Variants in PIK3CA observed in about 807,000 individuals in gnomAD.
PIK3CA encodes phosphatidylinositol 4,5-bisphosphate 3-kinase catalytic subunit alpha isoform.
In PIK3CA, 27 loss-of-function variants were observed where a neutral mutation model predicts 138.2. The observed-to-expected ratio is 0.20, with a 90% CI of 0.14 to 0.27. The LOEUF is 0.27. Ranked by LOEUF, PIK3CA falls within the 10% of genes least tolerant of loss-of-function variation. The pLI is 1.00. For missense variants in PIK3CA, 544 were observed against 1,277.4 expected, an observed-to-expected ratio of 0.43 and a Z score of 8.75; for synonymous variants, 358 against 413.2, an observed-to-expected ratio of 0.87 and a Z score of 1.62.
intron 1 of PIK3CA, among the ~76,000 whole-genome samples, chr3:179,193,864 T>C (rs1281325267): frequency 2.6e-5 from 4 of 152,242 alleles, no homozygotes; most frequent in African/African-American, 9.6e-5. Flanking sequence ...TAAAGTGTTT[T>C]ATTTTTAGTA....
chr3:179,223,618 A>G (rs1725016381), intron 14 of PIK3CA, among the ~76,000 whole-genome samples: 1 of 152,160 alleles, frequency 6.6e-6, no homozygotes, highest in African/African-American at 2.4e-5. Context: ...TTTCCTCTAG[A>G]ACACAGATCA....
intron 1 of PIK3CA, among the ~76,000 whole-genome samples, chr3:179,175,255 G>C (rs999227672): frequency 2.0e-5 from 3 of 152,174 alleles, no homozygotes; most frequent in Admixed American, 2.0e-4. Context: ...CTACAATTAT[G>C]TGATATTTTA....
intron 1 of PIK3CA, chr3:179,149,719 A>G (rs989930072): frequency 6.6e-6 from 1 of 152,178 alleles, no homozygotes; most frequent in Non-Finnish European, 1.5e-5. Flanking sequence ...ATACTTGGGT[A>G]GGTAAATTCC....
intron 2 of PIK3CA, 115 bp from the exon 3 acceptor site, chr3:179,199,575 C>G (rs1445566231): frequency 1.4e-6 from 1 of 715,286 alleles, no homozygotes; most frequent in Non-Finnish European, 2.2e-6. Flanking sequence ...CCTAGCGGTA[C>G]TTTTTTTACT....
Position 179,219,840 on chromosome 3 carries a change from C to G in PIK3CA, c.1911+105C>G, listed in dbSNP as rs891581950. 6.7e-7 allele frequency: 1 copy of G among 1,500,074 alleles called. No homozygotes were observed. 92.9% of individuals were successfully genotyped at this position (1,500,074 alleles called of 1,614,324 possible). On this transcript the variant is annotated intron_variant, in intron 12 of 20. Transcript: ENST00000263967. The surrounding 1 kb of genome is among the most constrained non-coding windows in gnomAD (Gnocchi z 4.2). ...ACCTACTGCACTAACTAGTTTTATG[C>G]TTAAAAAAAAAAATTATTACCAGTA... is the stretch of plus-strand genomic sequence containing the variant.
chr3:179,223,066 C>T (rs2108415791), intron 14 of PIK3CA, among the ~76,000 whole-genome samples: 1 of 152,242 alleles, frequency 6.6e-6, no homozygotes, highest in Non-Finnish European at 1.5e-5. Flanking sequence ...AGAGCAGTTA[C>T]TTTGAGTGGC....
intron 6 of PIK3CA, among the ~76,000 whole-genome samples, chr3:179,208,361 C>G (rs1421353341): frequency 6.6e-6 from 1 of 152,148 alleles, no homozygotes; most frequent in African/African-American, 2.4e-5. Flanking sequence ...AAATTACTAT[C>G]TAACATATGA....
In PIK3CA at chr3:179,236,930, C is replaced by G; in HGVS notation, c.*2566C>G. ...TCAGTTCTCGTGGTTTAGACAGTTC[C>G]TATCTATAGCTGACTATCCTTGTCC... On this transcript the variant is annotated 3_prime_UTR_variant, in exon 21 of 21. Coordinates refer to ENST00000263967, the MANE Select transcript of PIK3CA (RefSeq NM_006218.4). 4.9e-6 allele frequency: 1 copy of G among 204,072 alleles called. No homozygotes were observed. Among genetic ancestry groups the G allele is most frequent in the Non-Finnish European group, 1.0e-5 (1 of 99,610 alleles). The allele number at this position is 204,072 out of a possible 1,614,324, so 12.6% of individuals were successfully genotyped here. A position where few individuals can be genotyped will look rare whatever the true frequency, so the allele number is the denominator to read the frequency against.
intron 1 of PIK3CA, among the ~76,000 whole-genome samples, chr3:179,176,879 G>A (rs890210816): frequency 6.6e-6 from 1 of 152,114 alleles, no homozygotes; most frequent in Non-Finnish European, 1.5e-5. Flanking sequence ...TTTAAAATTT[G>A]AATCATATTG....
At chr3:179,175,369 T>C (rs1056229086) in intron 1 of PIK3CA, among the ~76,000 whole-genome samples, 4 of 152,226 alleles carry the variant, frequency 2.6e-5, no homozygotes, top group African/African-American at 9.6e-5. Context: ...CTCTGTTTCC[T>C]GATTTTTTAT....
rs1344589807 is a variant in PIK3CA at position 179,237,568 on chromosome 3, T to C, written c.*3204T>C. 1 of 207,794 alleles carries C rather than the reference T, an allele frequency of 4.8e-6. No homozygotes were observed. Among genetic ancestry groups the C allele is most frequent in the Non-Finnish European group, 9.8e-6 (1 of 101,846 alleles). The allele number at this position is 207,794 out of a possible 1,614,324, so 12.9% of individuals were successfully genotyped here. A position where few individuals can be genotyped will look rare whatever the true frequency, so the allele number is the denominator to read the frequency against. On this transcript the variant is annotated 3_prime_UTR_variant, in exon 21 of 21. Transcript: ENST00000263967. ...AGACTGTATATGCCCTCTTGGATTT[T>C]ATTTTAAATGGATTGGTGACTTTCA...
At chr3:179,196,388 G>A (rs1724266008) in intron 1 of PIK3CA, among the ~76,000 whole-genome samples, 2 of 152,050 alleles carry the variant, frequency 1.3e-5, no homozygotes, top group Admixed American at 6.5e-5. Context: ...CAGATTTTTT[G>A]TAGGCTTAAA....
intron 1 of PIK3CA, among the ~76,000 whole-genome samples, chr3:179,150,195 GTGTGTGTT>G (rs1035165567): frequency 9.2e-5 from 14 of 151,894 alleles, no homozygotes; most frequent in Non-Finnish European, 1.6e-4. Flanking sequence ...GTGTGTGTGT[GTGTGTGTT>G]GGTATTTTGC....
intron 1 of PIK3CA, chr3:179,149,853 T>G (rs1325490000): frequency 6.6e-6 from 1 of 152,230 alleles, no homozygotes; most frequent in East Asian, 1.9e-4. Context: ...CCGTACAAAA[T>G]TTGTTTATGT....
intron 1 of PIK3CA, among the ~76,000 whole-genome samples, chr3:179,174,290 G>A (rs1455698472): frequency 5.9e-5 from 9 of 151,890 alleles, no homozygotes; most frequent in Admixed American, 2.6e-4. Context: ...CCAACACAGC[G>A]AAACCCTGTC....
At chr3:179,160,161 T>C (rs1723240115) in intron 1 of PIK3CA, among the ~76,000 whole-genome samples, 1 of 152,202 alleles carries the variant, frequency 6.6e-6, no homozygotes, top group South Asian at 2.1e-4. Context: ...GCTACAATGT[T>C]ATGACAGCTA....
At chr3:179,233,727 G>C (rs1421547603) in intron 20 of PIK3CA, among the ~76,000 whole-genome samples, 1 of 152,092 alleles carries the variant, frequency 6.6e-6, no homozygotes, top group Non-Finnish European at 1.5e-5. Context: ...AGACTTTAAA[G>C]TACTTTTTAC....
chr3:179,153,193 A>G (rs1018826723), intron 1 of PIK3CA, among the ~76,000 whole-genome samples: 2 of 152,196 alleles, frequency 1.3e-5, no homozygotes, highest in Admixed American at 6.5e-5. Context: ...AATGTTTTCA[A>G]TTTCAGATTA....
At chr3:179,203,480 T>C (rs1724474073) in intron 4 of PIK3CA, 64 bp from the exon 5 acceptor site, 3 of 1,493,756 alleles carry the variant, frequency 2.0e-6, no homozygotes, top group Non-Finnish European at 1.8e-6. Flanking sequence ...CATAATACTC[T>C]GACATGTTAC....
Sources: allele counts gnomAD v4.1 joint callset (sites outside exome capture counted in the v4.1 genomes callset), GRCh38; gene constraint gnomAD v4.1.1; non-coding constraint Gnocchi (gnomAD v3.1); transcripts MANE v1.5; gene names NCBI Gene and HGNC (gene_info 2026-07-23, HGNC 2026-07-21).